KIAA1671: variants seen among roughly 807,000 people sequenced by gnomAD.
The protein encoded by KIAA1671 is KIAA1671, also known as uncharacterized protein KIAA1671.
In KIAA1671, 52 loss-of-function variants were observed where a neutral mutation model predicts 131.2. The observed-to-expected ratio is 0.40, with a 90% CI of 0.32 to 0.50. The LOEUF is 0.50. Ranked by LOEUF, KIAA1671 falls within the 20% of genes least tolerant of loss-of-function variation. The pLI, the probability that KIAA1671 is intolerant of heterozygous loss-of-function variation, is 0.73. For synonymous variants in KIAA1671, 1,003 were observed against 961.6 expected (o/e 1.04, Z -0.80); for missense variants, 2,360 against 2,364.2 (o/e 1.00, Z 0.04).
chr22:25,034,234 C>T (rs1045081438), intron 4 of KIAA1671, among the ~76,000 whole-genome samples: 7 of 151,646 alleles, frequency 4.6e-5, no homozygotes, highest in Admixed American at 1.3e-4. Flanking sequence ...TTAGTAGAGA[C>T]GGGGTTTCGC....
rs1206198450 is a variant in KIAA1671, at chr22:25,028,132, G to A, written c.133G>A (p.Ala45Thr). The change falls in exon 3 of 13, where the codon GCC (alanine) becomes ACC (threonine). Residue 45 changes from alanine (A) to threonine (T), a missense_variant. By Grantham distance (58) the Ala-to-Thr change is moderately conservative. Transcript: ENST00000358431. ...QAGEASGAPP[A>T]RILEAKSPLR... ...CGGCGAAGCCTCTGGGGCTCCCCCA[G>A]CCCGGATCTTGGAAGCGAAGAGCCC... 1 of 1,551,238 alleles carries A rather than the reference G, an allele frequency of 6.4e-7. No individual in the cohort carries two copies. The highest frequency in any genetic ancestry group is 8.7e-7 in the Non-Finnish European group (1 of 1,146,776).
intron 11 of KIAA1671, among the ~76,000 whole-genome samples, chr22:25,187,252 C>T (rs1194835788): frequency 6.6e-6 from 1 of 152,222 alleles, no homozygotes; most frequent in Non-Finnish European, 1.5e-5. Flanking sequence ...ATTATAAAAG[C>T]AGTGACTGTA....
At chr22:25,158,495 C>T (rs1267953389) in intron 6 of KIAA1671, among the ~76,000 whole-genome samples, 1 of 152,146 alleles carries the variant, frequency 6.6e-6, no homozygotes, top group Non-Finnish European at 1.5e-5. Context: ...TCCTAAGAAC[C>T]CACCTGGGGA....
At chr22:24,986,670 C>T (rs1293334652) in intron 1 of KIAA1671, among the ~76,000 whole-genome samples, 1 of 134,388 alleles carries the variant, frequency 7.4e-6, no homozygotes, top group Non-Finnish European at 1.6e-5. Flanking sequence ...CATCCACCCA[C>T]CCATCCACCC....
At chr22:25,020,232 A>T (rs1925588679) in intron 1 of KIAA1671, among the ~76,000 whole-genome samples, 1 of 152,130 alleles carries the variant, frequency 6.6e-6, no homozygotes, top group African/African-American at 2.4e-5. Flanking sequence ...CTCATCTGTT[A>T]GAATGGTGGT....
intron 10 of KIAA1671, 63 bp from the exon 11 acceptor site, chr22:25,184,914 A>G: frequency 1.3e-6 from 2 of 1,542,102 alleles, no homozygotes; most frequent in Non-Finnish European, 1.8e-6. Flanking sequence ...TGACATTTGC[A>G]TGGGAGGGGG....
intron 6 of KIAA1671, among the ~76,000 whole-genome samples, chr22:25,160,002 A>C (rs1400457356): frequency 6.6e-6 from 1 of 152,216 alleles, no homozygotes; most frequent in African/African-American, 2.4e-5. Flanking sequence ...GAACAATCTG[A>C]ATACATGCTC....
rs148749386 is a variant in KIAA1671, at chr22:24,961,337, G to A, written c.-208+8565G>A. On this transcript the variant is annotated intron_variant, in intron 1 of 12. Transcript: ENST00000358431. ...TACAAACTGCTGGAGACTCTGTCTC[G>A]GAAGATATTTGCCCATGTACACACG... is the stretch of plus-strand genomic sequence containing the variant. 4.7e-3 allele frequency among the ~76,000 whole-genome samples: 719 copies of A among 152,290 alleles called. 5 individuals carry two copies. The highest frequency in any genetic ancestry group is 0.016 in the African/African-American group (677 of 41,558).
Position 25,035,904 on chromosome 22 carries a change from G to C in KIAA1671, c.1630-2856G>C, listed in dbSNP as rs952141253. Among the ~76,000 whole-genome samples the C allele has an allele frequency of 5.9e-3, 900 of 152,122 alleles. 12 individuals are homozygous for C. The highest frequency in any genetic ancestry group is 0.021 in the African/African-American group (872 of 41,498). Reference sequence around the variant, plus strand: ...GTGTGTGTATGTGGGTGTGTTTATTGTAGTAAAATACACATAACAGGCTGG... The same window carrying C: ...GTGTGTGTATGTGGGTGTGTTTATTCTAGTAAAATACACATAACAGGCTGG... On this transcript the variant is annotated intron_variant, in intron 4 of 12. Coordinates refer to ENST00000358431, the MANE Select transcript of KIAA1671 (RefSeq NM_001145206.2).
chr22:25,151,896 G>A (rs547546393), intron 6 of KIAA1671, among the ~76,000 whole-genome samples: 3 of 151,902 alleles, frequency 2.0e-5, no homozygotes, highest in Non-Finnish European at 2.9e-5. Context: ...GAGCCACCAC[G>A]CCCGGCTAGT....
chr22:24,972,514 A>C (rs943989274), intron 1 of KIAA1671, among the ~76,000 whole-genome samples: 6 of 152,062 alleles, frequency 3.9e-5, no homozygotes, highest in African/African-American at 1.4e-4. Flanking sequence ...ATATGCATCC[A>C]TGCATCCATG....
chr22:25,158,539 G>A (rs1274425887), intron 6 of KIAA1671, among the ~76,000 whole-genome samples: 1 of 152,184 alleles, frequency 6.6e-6, no homozygotes, highest in Admixed American at 6.5e-5. Flanking sequence ...CTGGGGGAGT[G>A]GATGCCTGGG....
At chr22:25,157,359 C>T (rs1272190406) in intron 6 of KIAA1671, among the ~76,000 whole-genome samples, 1 of 152,116 alleles carries the variant, frequency 6.6e-6, no homozygotes, top group Non-Finnish European at 1.5e-5. Context: ...TCACGAATGG[C>T]AGGGTCTGCC....
chr22:25,183,426 TTCCCTCCCTCCCTCCCTCCC>T (rs67759608), intron 10 of KIAA1671, among the ~76,000 whole-genome samples: 25 of 110,904 alleles, frequency 2.3e-4, no homozygotes, highest in East Asian at 2.8e-4. Flanking sequence ...CTGACTTTCT[TTCCCTCCCTCCCTCCCTCCC>T]TCCCTCCCTC....
intron 1 of KIAA1671, among the ~76,000 whole-genome samples, chr22:25,015,227 TAAAAA>T (rs3063199): frequency 7.8e-5 from 9 of 115,828 alleles, no homozygotes; most frequent in East Asian, 2.4e-4. Flanking sequence ...CCTTGTCCCT[TAAAAA>T]AAAAAAAAAA....
intron 6 of KIAA1671, among the ~76,000 whole-genome samples, chr22:25,115,458 T>A (rs1931602802): frequency 1.3e-5 from 2 of 152,186 alleles, no homozygotes; most frequent in African/African-American, 4.8e-5. Context: ...CTCAGTGCCC[T>A]CATCTGAAAC....
At chr22:24,981,680 G>A (rs764817710) in intron 1 of KIAA1671, among the ~76,000 whole-genome samples, 1 of 152,168 alleles carries the variant, frequency 6.6e-6, no homozygotes, top group African/African-American at 2.4e-5. Flanking sequence ...AGGCCAAGGC[G>A]GGAAGATTGC....
intron 1 of KIAA1671, among the ~76,000 whole-genome samples, chr22:25,015,907 C>T (rs1413386458): frequency 2.6e-5 from 4 of 152,184 alleles, no homozygotes; most frequent in Non-Finnish European, 5.9e-5. Context: ...GTACACACTC[C>T]GTACGAAAAT....
intron 1 of KIAA1671, among the ~76,000 whole-genome samples, chr22:25,009,226 A>G: frequency 1.1e-5 from 1 of 88,260 alleles, no homozygotes; most frequent in Admixed American, 1.1e-4. Context: ...TTTGGTGTTT[A>G]TATTTCTTGG....
Sources: allele counts gnomAD v4.1 joint callset (sites outside exome capture counted in the v4.1 genomes callset), GRCh38; gene constraint gnomAD v4.1.1; transcripts MANE v1.5; gene names NCBI Gene and HGNC (gene_info 2026-07-23, HGNC 2026-07-21).